The following ZRANB3 variants were observed in gnomAD, a reference collection of about 807,000 sequenced individuals.
ZRANB3 encodes the protein zinc finger RANBP2-type containing 3, also known as DNA annealing helicase and endonuclease ZRANB3.
Under a neutral mutation model 133.8 loss-of-function variants are expected in ZRANB3, and 125 were observed. The ratio of observed to expected loss-of-function variants is 0.93; its 90% CI spans 0.81 to 1.08. ZRANB3 has a LOEUF of 1.08. Ranked by LOEUF, ZRANB3 falls within the 50% of genes least tolerant of loss-of-function variation. The pLI is 0.00. For missense variants in ZRANB3, 1,229 were observed against 1,275.5 expected, an observed-to-expected ratio of 0.96 and a Z score of 0.56; for synonymous variants, 387 against 432.7, an observed-to-expected ratio of 0.89 and a Z score of 1.31.
chr2:135,328,642 T>C (rs1487036857), intron 6 of ZRANB3, among the ~76,000 whole-genome samples: 3 of 152,208 alleles, frequency 2.0e-5, no homozygotes, highest in Non-Finnish European at 2.9e-5. Flanking sequence ...CGCCACACTG[T>C]CTTCCACAAT....
chr2:135,312,118 TTTTTATTTTATTTTATTA>T (rs1234235716), intron 8 of ZRANB3, among the ~76,000 whole-genome samples: 2 of 145,902 alleles, frequency 1.4e-5, no homozygotes, highest in Non-Finnish European at 3.0e-5. Context: ...TGTATTTATT[TTTTTATTTTATTTTATTA>T]TTTTATTTTA....
intron 2 of ZRANB3, among the ~76,000 whole-genome samples, chr2:135,396,671 G>A (rs969922095): frequency 3.3e-5 from 5 of 152,078 alleles, no homozygotes; most frequent in African/African-American, 1.2e-4. Context: ...ACTGGGAAGG[G>A]TAGTGGTGGG....
intron 2 of ZRANB3, among the ~76,000 whole-genome samples, chr2:135,486,774 A>C (rs996291061): frequency 6.6e-6 from 1 of 152,100 alleles, no homozygotes; most frequent in Non-Finnish European, 1.5e-5. Flanking sequence ...TGGCCTCCCA[A>C]ATTGCTGGGA....
At chr2:135,402,813 T>C (rs901954586) in intron 2 of ZRANB3, among the ~76,000 whole-genome samples, 9 of 152,126 alleles carry the variant, frequency 5.9e-5, no homozygotes, top group Admixed American at 5.9e-4. Context: ...CTGGAACTCC[T>C]GACCTCAGGT....
chr2:135,271,482 G>A, intron 10 of ZRANB3: 1 of 490,390 alleles, frequency 2.0e-6, no homozygotes, highest in Non-Finnish European at 3.9e-6. Context: ...AGGAAAAAAG[G>A]TCAGGCAAAA....
At chr2:135,465,933 A>T (rs1224076691) in intron 2 of ZRANB3, among the ~76,000 whole-genome samples, 1 of 152,228 alleles carries the variant, frequency 6.6e-6, no homozygotes, top group African/African-American at 2.4e-5. Context: ...CATCATATTT[A>T]TTGAAACAAA....
At chr2:135,449,280 C>G (rs1473354557) in intron 2 of ZRANB3, among the ~76,000 whole-genome samples, 1 of 152,180 alleles carries the variant, frequency 6.6e-6, no homozygotes, top group Non-Finnish European at 1.5e-5. Context: ...TGAACCCAGC[C>G]AAACCCCTGA....
chr2:135,212,539 T>G lies in ZRANB3; in HGVS notation c.2496-3561A>C, dbSNP rs114774549. On this transcript the variant is annotated intron_variant, in intron 17 of 20. Coordinates refer to ENST00000264159, the MANE Select transcript of ZRANB3 (RefSeq NM_032143.4). ...CTACAAGAGGTTTAAGAATAAATTT[T>G]TGGAAACCACAAGAAACAGACGAAC... is the stretch of plus-strand genomic sequence containing the variant. Among the ~76,000 whole-genome samples the G allele has an allele frequency of 3.0e-3, 454 of 152,284 alleles. 2 individuals are homozygous for G. Among genetic ancestry groups the G allele is most frequent in the African/African-American group, 0.01 (430 of 41,560 alleles).
In ZRANB3 at chr2:135,217,568, T is replaced by C; in HGVS notation, c.2392A>G (p.Met798Val). Reference protein sequence around the residue: ...FVREWSSLTAMKQRIIRKSGQ... With the variant: ...FVREWSSLTAVKQRIIRKSGQ... ...CTTTTCCTGATTATCCTTTGCTTCATGGCAGTTAGACTACTCCATTCTCGA... is the reference window on the plus strand; with the variant it reads ...CTTTTCCTGATTATCCTTTGCTTCACGGCAGTTAGACTACTCCATTCTCGA... Residue 798 changes from methionine (M) to valine (V), a missense_variant, in exon 17 of 21, where the codon ATG becomes GTG. Physicochemically the swap from Met to Val is conservative, Grantham distance 21. Transcript: ENST00000264159. 6.2e-7 allele frequency: 1 copy of C among 1,613,846 alleles called. No individual in the cohort carries two copies. Among genetic ancestry groups the C allele is most frequent in the Non-Finnish European group, 8.5e-7 (1 of 1,179,848 alleles).
intron 11 of ZRANB3, 70 bp downstream of exon 11, chr2:135,268,892 G>T: frequency 7.0e-7 from 1 of 1,425,048 alleles, no homozygotes; most frequent in Non-Finnish European, 9.5e-7. Flanking sequence ...CTAAAACTCA[G>T]CCTCTTAACT....
At chr2:135,393,375 T>A (rs1343137171) in intron 2 of ZRANB3, among the ~76,000 whole-genome samples, 1 of 152,034 alleles carries the variant, frequency 6.6e-6, no homozygotes, top group African/African-American at 2.4e-5. Context: ...TTTTTTTTTT[T>A]AAGATGATCA....
In ZRANB3 at chr2:135,265,692, A is replaced by G. The variant is rs1332002286; in HGVS notation, c.1387-6T>C. The stretch of plus-strand genomic sequence containing the variant: ...GTGCTCCCTGTAACTTGAGCCTACA[A>G]GAGGAAAAAGTAAATGAATTTTTGA... On this transcript the variant is annotated splice_region_variant and splice_polypyrimidine_tract_variant and intron_variant, in intron 11 of 20. Coordinates refer to ENST00000264159, the MANE Select transcript of ZRANB3 (RefSeq NM_032143.4). 4.4e-6 allele frequency: 7 copies of G among 1,607,976 alleles called. No individual in the cohort carries two copies. The South Asian group carries it at 7.8e-5, about 18-fold the overall frequency.
At chr2:135,244,107 CAAA>C (rs566334496) in intron 12 of ZRANB3, among the ~76,000 whole-genome samples, 9 of 121,476 alleles carry the variant, frequency 7.4e-5, no homozygotes, top group Admixed American at 8.3e-5. Flanking sequence ...ATTTCCCCAC[CAAA>C]AAAAAAAAAA....
intron 3 of ZRANB3, among the ~76,000 whole-genome samples, chr2:135,375,127 G>C (rs1048700906): frequency 2.0e-5 from 3 of 152,190 alleles, no homozygotes; most frequent in African/African-American, 7.2e-5. Flanking sequence ...TAATACAAAA[G>C]ACACTTCGAC....
chr2:135,347,725 G>A (rs1259850485), intron 5 of ZRANB3, among the ~76,000 whole-genome samples: 1 of 152,040 alleles, frequency 6.6e-6, no homozygotes, highest in Non-Finnish European at 1.5e-5. Context: ...AATAACCAAT[G>A]GGCCAAAGAA....
intron 2 of ZRANB3, among the ~76,000 whole-genome samples, chr2:135,503,700 C>A (rs1370657143): frequency 1.3e-5 from 2 of 152,100 alleles, no homozygotes; most frequent in African/African-American, 4.8e-5. Flanking sequence ...GTGGCTCATG[C>A]CTGTAATCCC....
chr2:135,264,573 T>C (rs1680130112), intron 12 of ZRANB3, among the ~76,000 whole-genome samples: 1 of 152,040 alleles, frequency 6.6e-6, no homozygotes. Flanking sequence ...TAAAAAGTTT[T>C]GGGAACGGGG....
intron 1 of ZRANB3, among the ~76,000 whole-genome samples, chr2:135,519,864 G>C (rs1693850995): frequency 6.6e-6 from 1 of 152,092 alleles, no homozygotes; most frequent in Non-Finnish European, 1.5e-5. Context: ...TGTTTGGAAG[G>C]CTTCTAAATA....
intron 6 of ZRANB3, among the ~76,000 whole-genome samples, chr2:135,335,325 T>C (rs1414201873): frequency 6.6e-6 from 1 of 151,978 alleles, no homozygotes; most frequent in Non-Finnish European, 1.5e-5. Context: ...GTCTAGAATA[T>C]CTTAACAGTA....
Sources: gnomAD v4.1 joint callset for allele counts (sites outside exome capture counted in the v4.1 genomes callset) on GRCh38, gnomAD v4.1.1 for gene constraint, MANE v1.5 for transcripts, NCBI Gene and HGNC (gene_info 2026-07-23, HGNC 2026-07-21) for gene names.